The following TENM4 variants were observed in gnomAD, a reference collection of about 807,000 sequenced individuals.
The protein encoded by TENM4 is teneurin transmembrane protein 4.
A neutral mutation model predicts 243.3 loss-of-function variants in TENM4; 82 were observed. The observed-to-expected ratio is 0.34, with a 90% CI of 0.28 to 0.40. The LOEUF (loss-of-function observed/expected upper bound fraction) is 0.40, where lower values mean the gene tolerates loss of function less well. Among genes scored for constraint, TENM4 ranks in the 10% least tolerant of loss-of-function variants. The probability of loss-of-function intolerance (pLI) is 1.00; values close to 1 mark genes in which losing one functional copy is unlikely to be tolerated. For synonymous variants in TENM4, 1,412 were observed against 1,456.3 expected, an observed-to-expected ratio of 0.97 and a Z score of 0.69; for missense variants, 3,138 against 3,673.3, an observed-to-expected ratio of 0.85 and a Z score of 3.77.
At chr11:78,959,180 C>G (rs1479026562) in intron 6 of TENM4, among the ~76,000 whole-genome samples, 1 of 152,104 alleles carries the variant, frequency 6.6e-6, no homozygotes, top group Non-Finnish European at 1.5e-5. Context: ...TTAAAAGTCT[C>G]TGAAAAACCA....
At chr11:79,139,728 ATT>A (rs1565220716) in intron 4 of TENM4, among the ~76,000 whole-genome samples, 908 of 85,616 alleles carry the variant, frequency 0.011, 160 homozygotes, top group South Asian at 0.017. Flanking sequence ...TAAAATATAT[ATT>A]ATATTTATAT....
intron 17 of TENM4, 136 bp from the exon 18 acceptor site, chr11:78,771,274 G>A: frequency 4.4e-6 from 5 of 1,134,246 alleles, no homozygotes; most frequent in East Asian, 2.6e-5. Flanking sequence ...GCCCAGGGAG[G>A]TAGGTATCAT....
intron 1 of TENM4, among the ~76,000 whole-genome samples, chr11:79,341,061 C>G (rs1052634174): frequency 4.6e-5 from 7 of 152,000 alleles, no homozygotes; most frequent in Admixed American, 1.3e-4. Flanking sequence ...TGGGGAGAGA[C>G]CACACACCAC....
intron 26 of TENM4, 70 bp downstream of exon 26, chr11:78,712,412 T>C: frequency 6.7e-7 from 1 of 1,494,952 alleles, no homozygotes; most frequent in Non-Finnish European, 9.2e-7. Flanking sequence ...ATATTAATCA[T>C]GCATGTTTTT....
chr11:78,750,917 T>C (rs1044111181), intron 19 of TENM4, among the ~76,000 whole-genome samples: 2 of 151,998 alleles, frequency 1.3e-5, no homozygotes, highest in African/African-American at 2.4e-5. Context: ...TCTGGCTCTG[T>C]CACCCAGGCT....
chr11:79,229,690 C>G (rs995756834), intron 2 of TENM4, among the ~76,000 whole-genome samples: 6 of 152,170 alleles, frequency 3.9e-5, no homozygotes, highest in Admixed American at 2.0e-4. Flanking sequence ...TTGTTTGTCT[C>G]CTCTGCCAGA....
intron 1 of TENM4, among the ~76,000 whole-genome samples, chr11:79,390,930 A>G (rs778236329): frequency 7.2e-5 from 11 of 152,254 alleles, no homozygotes; most frequent in Non-Finnish European, 1.3e-4. Flanking sequence ...TATGTATTCA[A>G]TAATGCATAT....
intron 6 of TENM4, among the ~76,000 whole-genome samples, chr11:79,026,568 T>A (rs915955852): frequency 6.6e-6 from 1 of 152,172 alleles, no homozygotes; most frequent in Non-Finnish European, 1.5e-5. Context: ...ACCTAATCAG[T>A]GGTGTTAGAA....
chr11:79,152,693 C>T (rs1287230127), intron 3 of TENM4, among the ~76,000 whole-genome samples: 3 of 152,216 alleles, frequency 2.0e-5, no homozygotes, highest in African/African-American at 7.2e-5. Flanking sequence ...AGTGTTTGTG[C>T]TGGCTGGCAG....
At chr11:79,074,969 C>T (rs1021916783) in intron 4 of TENM4, among the ~76,000 whole-genome samples, 6 of 152,204 alleles carry the variant, frequency 3.9e-5, no homozygotes, top group Non-Finnish European at 5.9e-5. Flanking sequence ...GCTGCACCTC[C>T]GTCTCTTCAT....
chr11:79,275,482 G>A lies in TENM4; in HGVS notation c.-265+22006C>T, dbSNP rs561116506. ...AGGTGAGAAGACACTGCTGCCCTGC[G>A]GCCTGCAAACAAGCAAACCAATTGA... On this transcript the variant is annotated intron_variant, in intron 2 of 33. Transcript: ENST00000278550. Among the ~76,000 whole-genome samples the A allele has an allele frequency of 2.2e-4, 33 of 152,270 alleles. No individual in the cohort carries two copies. In the South Asian group the frequency reaches 3.5e-3, roughly 16 times the overall value.
chr11:78,917,783 T>C (rs1292788146), intron 6 of TENM4, among the ~76,000 whole-genome samples: 1 of 152,190 alleles, frequency 6.6e-6, no homozygotes, highest in Non-Finnish European at 1.5e-5. Context: ...AAGAGGAACG[T>C]AATACAGTAT....
chr11:79,310,593 A>G (rs889407581), intron 1 of TENM4, among the ~76,000 whole-genome samples: 2 of 152,270 alleles, frequency 1.3e-5, no homozygotes, highest in Non-Finnish European at 2.9e-5. Context: ...TCTAAGCCAC[A>G]TAACTTCAGA....
intron 1 of TENM4, among the ~76,000 whole-genome samples, chr11:79,404,714 T>C (rs1858531077): frequency 6.6e-6 from 1 of 152,186 alleles, no homozygotes; most frequent in African/African-American, 2.4e-5. Flanking sequence ...GAAGTGTTTA[T>C]ATGCACAAAT....
At chr11:79,090,130 C>A (rs922743562) in intron 4 of TENM4, among the ~76,000 whole-genome samples, 1 of 152,192 alleles carries the variant, frequency 6.6e-6, no homozygotes, top group African/African-American at 2.4e-5. Flanking sequence ...ACCTAGCTGG[C>A]AAGGAGCAGA....
intron 6 of TENM4, among the ~76,000 whole-genome samples, chr11:78,998,485 T>C (rs960171113): frequency 1.1e-4 from 16 of 152,178 alleles, no homozygotes; most frequent in African/African-American, 2.4e-4. Context: ...TTTGACAAAA[T>C]TGACAAAAAT....
At chr11:78,792,388 G>A (rs1857074827) in intron 15 of TENM4, among the ~76,000 whole-genome samples, 1 of 152,174 alleles carries the variant, frequency 6.6e-6, no homozygotes, top group African/African-American at 2.4e-5. Flanking sequence ...AAAATCAGAG[G>A]AAAATCTCCA....
chr11:78,778,725 T>C (rs2136014559), intron 16 of TENM4, 97 bp from the exon 17 acceptor site: 1 of 1,171,802 alleles, frequency 8.5e-7, no homozygotes, highest in Non-Finnish European at 1.3e-6. Flanking sequence ...ACAAAGGGAT[T>C]GTGCCCCACG....
chr11:79,127,771 A>G (rs988714297), intron 4 of TENM4, among the ~76,000 whole-genome samples: 2 of 152,208 alleles, frequency 1.3e-5, no homozygotes, highest in Non-Finnish European at 2.9e-5. Context: ...AGACATTTGC[A>G]TGCCAGAGAA....
Sources: gnomAD v4.1 joint callset for allele counts (sites outside exome capture counted in the v4.1 genomes callset) on GRCh38, gnomAD v4.1.1 for gene constraint, MANE v1.5 for transcripts, NCBI Gene and HGNC (gene_info 2026-07-23, HGNC 2026-07-21) for gene names.